Variants in NAE1 observed in about 807,000 individuals in gnomAD.
NAE1 encodes the protein NEDD8-activating enzyme E1 regulatory subunit.
A neutral mutation model predicts 88.0 loss-of-function variants in NAE1; 59 were observed. That is an observed-to-expected ratio of 0.67 (90% CI 0.54 to 0.83). The LOEUF is 0.83. Ranked by LOEUF, NAE1 falls within the 40% of genes least tolerant of loss-of-function variation. NAE1 has a pLI of 0.00. For missense variants in NAE1, 554 were observed against 632.8 expected (o/e 0.88, Z 1.34); for synonymous variants, 186 against 208.9 (o/e 0.89, Z 0.95).
intron 7 of NAE1, 135 bp from the exon 8 acceptor site, chr16:66,818,772 G>A: frequency 1.6e-6 from 2 of 1,225,010 alleles, no homozygotes; most frequent in East Asian, 2.9e-5. Context: ...CTGGGCTGAA[G>A]GGATCCTCCC....
rs577243208 is a variant in NAE1, at chr16:66,827,225, G to C, written c.54-445C>G. Among the ~76,000 whole-genome samples the C allele has an allele frequency of 5.3e-5, 8 of 151,126 alleles. No individual in the cohort carries two copies. In the South Asian group the frequency reaches 1.7e-3, roughly 32 times the overall value. On this transcript the variant is annotated intron_variant, in intron 1 of 19. Coordinates refer to ENST00000290810, the MANE Select transcript of NAE1 (RefSeq NM_003905.4). ...CTCACTTGGCCTCCCAAAATGCTGG[G>C]ATTACAGGTGTGAGCCACCGTGCCC...
At chr16:66,823,373 A>T in intron 5 of NAE1, 67 bp from the exon 6 acceptor site, 1 of 1,386,462 alleles carries the variant, frequency 7.2e-7, no homozygotes, top group Non-Finnish European at 1.0e-6. Flanking sequence ...TAAACATGGC[A>T]GAGACAGTTA....
chr16:66,823,780 G>C (rs1281863370), intron 4 of NAE1, among the ~76,000 whole-genome samples, 180 bp from the exon 5 acceptor site: 1 of 152,104 alleles, frequency 6.6e-6, no homozygotes, highest in Non-Finnish European at 1.5e-5. Flanking sequence ...TGCCCAGTTT[G>C]TAGCATAGTG....
At chr16:66,809,710 C>A (rs935583154) in intron 15 of NAE1, among the ~76,000 whole-genome samples, 7 of 152,068 alleles carry the variant, frequency 4.6e-5, no homozygotes, top group African/African-American at 1.4e-4. Flanking sequence ...CGAGCCTAAA[C>A]AGACATTGTG....
At chr16:66,815,274 T>C (rs750691308) in intron 11 of NAE1, among the ~76,000 whole-genome samples, 5 of 152,236 alleles carry the variant, frequency 3.3e-5, no homozygotes, top group Non-Finnish European at 7.3e-5. Flanking sequence ...CAATGCATTT[T>C]GATAACTATA....
intron 13 of NAE1, among the ~76,000 whole-genome samples, chr16:66,811,088 A>C (rs1959780032): frequency 6.6e-6 from 1 of 152,192 alleles, no homozygotes; most frequent in South Asian, 2.1e-4. Context: ...ATTACTGAAG[A>C]ACATGACTTA....
chr16:66,819,953 C>T (rs1960187679), intron 7 of NAE1, among the ~76,000 whole-genome samples: 1 of 152,216 alleles, frequency 6.6e-6, no homozygotes, highest in South Asian at 2.1e-4. Flanking sequence ...TGCCTCCAAT[C>T]TTTGCCCCTT....
At chr16:66,821,740 G>A (rs1468221457) in intron 6 of NAE1, among the ~76,000 whole-genome samples, 181 bp from the exon 7 acceptor site, 1 of 152,136 alleles carries the variant, frequency 6.6e-6, no homozygotes, top group Non-Finnish European at 1.5e-5. Context: ...ATTTCCACAG[G>A]CTGCAGTCTC....
chr16:66,829,579 C>T (rs967892470), intron 1 of NAE1, among the ~76,000 whole-genome samples: 1 of 152,198 alleles, frequency 6.6e-6, no homozygotes, highest in African/African-American at 2.4e-5. Flanking sequence ...AGGCTGGTGG[C>T]GCAAACAGAA....
At chr16:66,813,456 C>T (rs1461413190) in intron 13 of NAE1, 108 bp downstream of exon 13, 1 of 1,317,822 alleles carries the variant, frequency 7.6e-7, no homozygotes, top group Non-Finnish European at 1.0e-6. Flanking sequence ...TATTTATAAG[C>T]AATGAGGTTG....
Position 66,810,429 on chromosome 16 carries a change from T to C in NAE1, c.1111-16A>G, listed in dbSNP as rs748422989. On this transcript the variant is annotated splice_polypyrimidine_tract_variant and intron_variant, in intron 14 of 19. Coordinates refer to ENST00000290810, the MANE Select transcript of NAE1 (RefSeq NM_003905.4). ...ACTCTGGTGCCTGTAAAGAGATAAA[T>C]ACAGATTCTGTTCCAGTTTAAAAGA... The C allele has an allele frequency of 6.3e-7, 1 of 1,593,952 alleles. No individual in the cohort carries two copies. The highest frequency in any genetic ancestry group is 1.1e-5 in the South Asian group (1 of 90,014).
At chr16:66,812,564 C>CT (rs1959849626) in intron 13 of NAE1, among the ~76,000 whole-genome samples, 1 of 136,936 alleles carries the variant, frequency 7.3e-6, no homozygotes, top group Non-Finnish European at 1.5e-5. Flanking sequence ...TGTCTCCAGG[C>CT]TGGAGTGCAG....
At chr16:66,822,208 CAAAG>C (rs1189645182) in intron 6 of NAE1, among the ~76,000 whole-genome samples, 3 of 152,106 alleles carry the variant, frequency 2.0e-5, no homozygotes, top group East Asian at 1.9e-4. Flanking sequence ...CTAAAACAAA[CAAAG>C]AACAAAAACA....
At chr16:66,812,915 C>T (rs1448131511) in intron 13 of NAE1, among the ~76,000 whole-genome samples, 7 of 147,802 alleles carry the variant, frequency 4.7e-5, no homozygotes, top group South Asian at 4.3e-4. Context: ...CTCCGCCTCC[C>T]GGGTTCACGC....
chr16:66,803,131 AG>A lies in NAE1; in HGVS notation c.1496-14del. 6 of 1,521,284 alleles carry A rather than the reference AG, an allele frequency of 3.9e-6. No homozygotes were observed. Among genetic ancestry groups the A allele is most frequent in the Non-Finnish European group, 5.5e-6 (6 of 1,098,270 alleles). 94.2% of individuals were successfully genotyped at this position (1,521,284 alleles called of 1,614,324 possible). Reference sequence around the variant, plus strand: ...TGAGCAGCAGCTCCTGAAAGGAAAAAGGAGAAAAGCAAATCTTTGAAAGAGT... The same window carrying A: ...TGAGCAGCAGCTCCTGAAAGGAAAAAGAGAAAAGCAAATCTTTGAAAGAGT... On this transcript the variant is annotated splice_polypyrimidine_tract_variant and intron_variant, in intron 19 of 19. Transcript: ENST00000290810.
At chr16:66,803,265 T>C in intron 19 of NAE1, 147 bp from the exon 20 acceptor site, 1 of 608,912 alleles carries the variant, frequency 1.6e-6, no homozygotes, top group African/African-American at 1.9e-5. Flanking sequence ...CTGAGTCATA[T>C]CAACATAAAA....
In NAE1 at chr16:66,823,274, T is replaced by A; in HGVS notation, c.354A>T (p.Ser118=). The A allele has an allele frequency of 6.2e-7, 1 of 1,603,150 alleles. No individual in the cohort carries two copies. The highest frequency in any genetic ancestry group is 8.5e-7 in the Non-Finnish European group (1 of 1,176,466). ...CTACAACAGTAAACCTACAGAAAAA[T>A]GAGGGATCATTGTCTAGAAGGTTTT... The part of the protein sequence containing the change: ...SPENLLDNDP[S]FFCRFTVVVA... The change falls in exon 6 of 20, where the codon TCA becomes TCT. Residue 118 remains serine, a synonymous_variant. Coordinates refer to ENST00000290810, the MANE Select transcript of NAE1 (RefSeq NM_003905.4).
chr16:66,828,212 TG>T, intron 1 of NAE1: 1 of 654,034 alleles, frequency 1.5e-6, no homozygotes, highest in South Asian at 1.9e-5. Context: ...GCATCTTGGC[TG>T]GGCGCAGTGG....
At chr16:66,827,056 T>G (rs537554289) in intron 1 of NAE1, among the ~76,000 whole-genome samples, 6 of 152,290 alleles carry the variant, frequency 3.9e-5, no homozygotes, top group African/African-American at 1.4e-4. Context: ...AGCGACACTC[T>G]GTCTCAAAAC....
Sources: allele counts gnomAD v4.1 joint callset (sites outside exome capture counted in the v4.1 genomes callset), GRCh38; gene constraint gnomAD v4.1.1; transcripts MANE v1.5; gene names NCBI Gene and HGNC (gene_info 2026-07-23, HGNC 2026-07-21).